ZNF813: variants seen among roughly 807,000 people sequenced by gnomAD.
ZNF813 encodes the protein zinc finger protein 813.
ZNF813 carries 3 observed loss-of-function variants against 7.2 expected under a neutral mutation model. The ratio of observed to expected loss-of-function variants is 0.42; its 90% CI spans 0.19 to 1.08. The LOEUF is 1.08. Ranked by LOEUF, ZNF813 falls within the 50% of genes least tolerant of loss-of-function variation. The pLI, the probability that ZNF813 is intolerant of heterozygous loss-of-function variation, is 0.30. For synonymous variants in ZNF813, 227 were observed against 256.3 expected (o/e 0.89, Z 1.09); for missense variants, 714 against 753.3 (o/e 0.95, Z 0.61).
chr19:53,484,359 T>TAC (rs1298038205), intron 2 of ZNF813, among the ~76,000 whole-genome samples: 1 of 152,164 alleles, frequency 6.6e-6, no homozygotes, highest in Non-Finnish European at 1.5e-5. Flanking sequence ...GGAAAGTTCA[T>TAC]ACAGACATGA....
In ZNF813 at chr19:53,490,731, T is replaced by G. The variant is rs760806479; in HGVS notation, c.499T>G (p.Ser167Ala). Residue 167 changes from serine (S) to alanine (A), a missense_variant, in exon 4 of 4, where the codon TCT becomes GCT. Around this residue, in one of 3 missense-constraint regions of ZNF813, gnomAD observed 563 missense variants for 554.2 expected, o/e 1.02. Transcript: ENST00000396403. ...GAAAATTGGTAATCAAGTGGAGAAG[T>G]CTATCAACGATGCTTCCTCAATTTC... ...QGKIGNQVEK[S>A]INDASSISTS... 3.9e-5 allele frequency: 63 copies of G among 1,614,056 alleles called. No individual in the cohort carries two copies. The highest frequency in any genetic ancestry group is 5.1e-5 in the Non-Finnish European group (60 of 1,180,046).
chr19:53,483,232 G>C (rs536042094), intron 1 of ZNF813, among the ~76,000 whole-genome samples: 1 of 151,780 alleles, frequency 6.6e-6, no homozygotes, highest in South Asian at 2.1e-4. Flanking sequence ...TTTTAGTAGA[G>C]ACAGGGTTTC....
chr19:53,471,814 A>G (rs2086360755), intron 1 of ZNF813, among the ~76,000 whole-genome samples: 1 of 150,724 alleles, frequency 6.6e-6, no homozygotes. Context: ...TGTCTCAAAA[A>G]AAAAAAAAAA....
At chr19:53,475,442 C>T (rs1232636666) in intron 1 of ZNF813, among the ~76,000 whole-genome samples, 1 of 152,282 alleles carries the variant, frequency 6.6e-6, no homozygotes, top group Admixed American at 6.5e-5. Context: ...ACCTCGTCTA[C>T]TGTTTTGACA....
In ZNF813 at chr19:53,490,438, T is replaced by C. The variant is rs764122674; in HGVS notation, c.206T>C (p.Ile69Thr). The change falls in exon 4 of 4, where the codon ATC (isoleucine) becomes ACC (threonine). Residue 69 changes from isoleucine to threonine, a missense_variant. Ile to Thr is a moderately conservative substitution (Grantham distance 89, BLOSUM62 -1). Around this residue, in one of 3 missense-constraint regions of ZNF813, gnomAD observed 563 missense variants for 554.2 expected, o/e 1.02. Transcript: ENST00000396403. ...SSTAQGNREV[I>T]HTGTLQRHES... Reference sequence around the variant, plus strand: ...ACAGCACAAGGCAATAGAGAAGTGATCCACACAGGGACATTGCAAAGACAT... The same window carrying C: ...ACAGCACAAGGCAATAGAGAAGTGACCCACACAGGGACATTGCAAAGACAT... 1 of 1,614,128 alleles carries C rather than the reference T, an allele frequency of 6.2e-7. No homozygotes were observed. The highest frequency in any genetic ancestry group is 8.5e-7 in the Non-Finnish European group (1 of 1,180,012).
chr19:53,491,314 G>T lies in ZNF813; in HGVS notation c.1082G>T (p.Gly361Val), dbSNP rs370811656. 1.9e-6 allele frequency: 3 copies of T among 1,613,952 alleles called. No homozygotes were observed. Among genetic ancestry groups the T allele is most frequent in the Admixed American group, 1.7e-5 (1 of 60,006 alleles). ...GEKPFKCNECGKTFSRKSSLT... is the reference protein window; with the variant it reads ...GEKPFKCNECVKTFSRKSSLT... ...AAACCTTTCAAGTGTAATGAGTGTGGCAAGACCTTTAGTCGGAAGTCATCC... is the reference window on the plus strand; with the variant it reads ...AAACCTTTCAAGTGTAATGAGTGTGTCAAGACCTTTAGTCGGAAGTCATCC... Residue 361 changes from glycine (G) to valine (V), a missense_variant, in exon 4 of 4, where the codon GGC (glycine) becomes GTC (valine). Gly to Val is a moderately radical substitution (Grantham distance 109). Coordinates refer to ENST00000396403, the MANE Select transcript of ZNF813 (RefSeq NM_001004301.4).
chr19:53,473,750 A>G lies in ZNF813; in HGVS notation c.-74+5961A>G, dbSNP rs1031955927. Reference sequence around the variant, plus strand: ...TTGCATGGCTATTATTAAAGCCTGCATTTGTTTTCTTAAAGTTAATTCCTC... The same window carrying G: ...TTGCATGGCTATTATTAAAGCCTGCGTTTGTTTTCTTAAAGTTAATTCCTC... On this transcript the variant is annotated intron_variant, in intron 1 of 3. Transcript: ENST00000396403. 1.2e-4 allele frequency among the ~76,000 whole-genome samples: 19 copies of G among 152,276 alleles called. No homozygotes were observed. In the East Asian group the frequency reaches 2.9e-3, roughly 23 times the overall value.
At chr19:53,487,282 C>G (rs1306129169) in intron 3 of ZNF813, among the ~76,000 whole-genome samples, 1 of 152,094 alleles carries the variant, frequency 6.6e-6, no homozygotes, top group East Asian at 1.9e-4. Context: ...AAGACCTTAC[C>G]ATTGCATTTC....
Position 53,491,236 on chromosome 19 carries a change from C to G in ZNF813, c.1004C>G (p.Thr335Ser), listed in dbSNP as rs191935876. 2.3e-5 allele frequency: 37 copies of G among 1,613,596 alleles called. No individual in the cohort carries two copies. The African/African-American group carries it at 4.5e-4, about 20-fold the overall frequency. Residue 335 changes from threonine to serine, a missense_variant, in exon 4 of 4, where the codon ACC becomes AGC. Coordinates refer to ENST00000396403, the MANE Select transcript of ZNF813 (RefSeq NM_001004301.4). ...TACAAGTGTAATGAATGTGGCAAGACCTTTAGTCAGACGTCATCCCTTACA... is the reference window on the plus strand; with the variant it reads ...TACAAGTGTAATGAATGTGGCAAGAGCTTTAGTCAGACGTCATCCCTTACA... ...KPYKCNECGKTFSQTSSLTCH... is the reference protein window; with the variant it reads ...KPYKCNECGKSFSQTSSLTCH...
intron 2 of ZNF813, among the ~76,000 whole-genome samples, chr19:53,486,163 A>G (rs1023635585): frequency 2.0e-5 from 3 of 152,172 alleles, no homozygotes; most frequent in Non-Finnish European, 4.4e-5. Flanking sequence ...TGCTGTGTCA[A>G]TAAAAGTTTC....
In ZNF813 at chr19:53,495,030, A is replaced by G. The variant is rs1186638250; in HGVS notation, c.*2944A>G. On this transcript the variant is annotated 3_prime_UTR_variant, in exon 4 of 4. Coordinates refer to ENST00000396403, the MANE Select transcript of ZNF813 (RefSeq NM_001004301.4). ...TGGAGCGAGATACTGGCTCAAAAAAAAAAATACTTCTTGTAAAGTTTGGGT... is the reference window on the plus strand; with the variant it reads ...TGGAGCGAGATACTGGCTCAAAAAAGAAAATACTTCTTGTAAAGTTTGGGT... The G allele has an allele frequency of 6.6e-6, 1 of 152,200 alleles. No homozygotes were observed. The highest frequency in any genetic ancestry group is 6.6e-5 in the Admixed American group (1 of 15,246). The allele number at this position is 152,200 out of a possible 1,614,324, so 9.4% of individuals were successfully genotyped here.
At chr19:53,482,745 A>G (rs1386528885) in intron 1 of ZNF813, among the ~76,000 whole-genome samples, 1 of 118,986 alleles carries the variant, frequency 8.4e-6, no homozygotes, top group Non-Finnish European at 1.7e-5. Flanking sequence ...TTTTTGAGAG[A>G]CAGAATCTCA....
At position 53,490,580 on chromosome 19, in the gene ZNF813, C is replaced by G. The variant is rs754267050; in HGVS notation, c.348C>G (p.Ile116Met). 2 of 1,614,122 alleles carry G rather than the reference C, an allele frequency of 1.2e-6. No individual in the cohort carries two copies. The highest frequency in any genetic ancestry group is 1.7e-6 in the Non-Finnish European group (2 of 1,180,014). ...GCCATGAAGCACCCATGACAGAAAT[C>G]AAAAAGTTGACTGGTAGTGCAGACC... is the stretch of plus-strand genomic sequence containing the variant. The part of the protein sequence containing the change: ...RNSHEAPMTE[I>M]KKLTGSADRY... Residue 116 changes from isoleucine to methionine, a missense_variant, in exon 4 of 4, where the codon ATC (isoleucine) becomes ATG (methionine). Ile to Met is a conservative substitution (Grantham distance 10, BLOSUM62 1). Around this residue, in one of 3 missense-constraint regions of ZNF813, gnomAD observed 563 missense variants for 554.2 expected, o/e 1.02. Transcript: ENST00000396403.
At chr19:53,469,117 A>C (rs1428479377) in intron 1 of ZNF813, among the ~76,000 whole-genome samples, 1 of 152,212 alleles carries the variant, frequency 6.6e-6, no homozygotes. Flanking sequence ...TATTGTTAAC[A>C]AGGCACACCC....
intron 3 of ZNF813, among the ~76,000 whole-genome samples, chr19:53,487,790 T>A (rs1213266798): frequency 3.1e-4 from 32 of 103,724 alleles, no homozygotes; most frequent in African/African-American, 1.3e-3. Context: ...AGAACAAGAC[T>A]CTGTCTCAAA....
intron 3 of ZNF813, among the ~76,000 whole-genome samples, chr19:53,489,014 A>AT (rs941110974): frequency 6.6e-5 from 10 of 150,450 alleles, no homozygotes; most frequent in South Asian, 2.1e-4. Flanking sequence ...AGTTAATGTC[A>AT]TTTTTTTTTG....
intron 1 of ZNF813, among the ~76,000 whole-genome samples, chr19:53,473,165 A>G (rs550886265): frequency 2.0e-5 from 3 of 152,314 alleles, no homozygotes; most frequent in South Asian, 4.1e-4. Context: ...GAACAATAAT[A>G]AAACAGTTAG....
intron 1 of ZNF813, among the ~76,000 whole-genome samples, chr19:53,473,740 T>G (rs1388137227): frequency 6.6e-6 from 1 of 152,240 alleles, no homozygotes; most frequent in Non-Finnish European, 1.5e-5. Flanking sequence ...TGGCTATTAT[T>G]AAAGCCTGCA....
chr19:53,474,768 C>A (rs1010837834), intron 1 of ZNF813, among the ~76,000 whole-genome samples: 1 of 152,054 alleles, frequency 6.6e-6, no homozygotes, highest in Non-Finnish European at 1.5e-5. Flanking sequence ...GAGTTTGCTT[C>A]ACAAACTTAG....
Sources: allele counts gnomAD v4.1 joint callset (sites outside exome capture counted in the v4.1 genomes callset), GRCh38; gene constraint gnomAD v4.1.1; regional missense constraint gnomAD v4.1.1; transcripts MANE v1.5; gene names NCBI Gene and HGNC (gene_info 2026-07-23, HGNC 2026-07-21).